The following ANO3 variants were observed in gnomAD, a reference collection of about 807,000 sequenced individuals.
ANO3 encodes the protein anoctamin 3.
In ANO3, 99 loss-of-function variants were observed where a neutral mutation model predicts 144.8. That is an observed-to-expected ratio of 0.68 (90% confidence interval 0.58 to 0.81). The LOEUF is 0.81. ANO3 is among the 30% of genes least tolerant of loss of function. The probability of loss-of-function intolerance (pLI) is 0.00; values close to 1 mark genes in which losing one functional copy is unlikely to be tolerated. For missense variants in ANO3, 905 were observed against 1,202.2 expected (o/e 0.75, Z 3.66); for synonymous variants, 414 against 392.6 (o/e 1.05, Z -0.64).
chr11:26,322,825 A>C (rs1343877570), intron 1 of ANO3, among the ~76,000 whole-genome samples: 1 of 152,050 alleles, frequency 6.6e-6, no homozygotes, highest in Non-Finnish European at 1.5e-5. Context: ...TTTAGCTCAT[A>C]CTAAGGAATA....
intron 14 of ANO3, among the ~76,000 whole-genome samples, chr11:26,586,586 T>C (rs1332509651): frequency 6.9e-6 from 1 of 144,504 alleles, no homozygotes; most frequent in Admixed American, 7.3e-5. Context: ...CACCGCAAGC[T>C]CCGCCTCCCA....
chr11:26,564,756 T>TCTG, intron 14 of ANO3, among the ~76,000 whole-genome samples: 1 of 89,398 alleles, frequency 1.1e-5, no homozygotes, highest in Non-Finnish European at 2.2e-5. Flanking sequence ...TATATATATA[T>TCTG]ATATATATAT....
At chr11:26,449,991 G>A (rs1024832156) in intron 3 of ANO3, among the ~76,000 whole-genome samples, 1 of 151,978 alleles carries the variant, frequency 6.6e-6, no homozygotes, top group African/African-American at 2.4e-5. Flanking sequence ...CCTGACCTCA[G>A]GCAATCCGCC....
chr11:26,225,408 C>G (rs1852237434), intron 1 of ANO3, among the ~76,000 whole-genome samples: 1 of 152,112 alleles, frequency 6.6e-6, no homozygotes, highest in Admixed American at 6.5e-5. Context: ...CACAAAAACA[C>G]TAACTGCAGA....
intron 1 of ANO3, among the ~76,000 whole-genome samples, chr11:26,374,726 C>A (rs1027742132): frequency 6.6e-6 from 1 of 152,054 alleles, no homozygotes; most frequent in African/African-American, 2.4e-5. Context: ...AAGTGCATTA[C>A]ATTTATTGTG....
chr11:26,403,032 C>T (rs933612631), intron 1 of ANO3, among the ~76,000 whole-genome samples: 3 of 151,846 alleles, frequency 2.0e-5, no homozygotes, highest in Non-Finnish European at 4.4e-5. Flanking sequence ...ACAACTTATT[C>T]GATGGACCAC....
At chr11:26,310,630 T>C (rs917112703) in intron 1 of ANO3, among the ~76,000 whole-genome samples, 1 of 152,244 alleles carries the variant, frequency 6.6e-6, no homozygotes, top group Admixed American at 6.5e-5. Context: ...TTTTCTAGTC[T>C]GCACCCATGT....
chr11:26,481,136 GA>G (rs569299640), intron 4 of ANO3, among the ~76,000 whole-genome samples: 99 of 150,568 alleles, frequency 6.6e-4, no homozygotes, highest in African/African-American at 2.1e-3. Flanking sequence ...TATTACAGAT[GA>G]AAAAAAAATA....
chr11:26,269,667 C>A (rs187106620), intron 1 of ANO3, among the ~76,000 whole-genome samples: 3,554 of 151,754 alleles, frequency 0.023, 64 homozygotes, highest in East Asian at 0.12. Flanking sequence ...CAGTCATCAT[C>A]CGGTGCTGCA....
At chr11:26,553,469 C>A in intron 13 of ANO3, 124 bp downstream of exon 13, 1 of 527,614 alleles carries the variant, frequency 1.9e-6, no homozygotes, top group South Asian at 3.9e-5. Flanking sequence ...TTAATAAGTG[C>A]CATTGACAAC....
chr11:26,363,233 C>T (rs1855974550), intron 1 of ANO3, among the ~76,000 whole-genome samples: 1 of 152,136 alleles, frequency 6.6e-6, no homozygotes, highest in Non-Finnish European at 1.5e-5. Context: ...AACAAAAACT[C>T]ATCATATAAT....
chr11:26,298,241 T>C (rs1248980085), intron 1 of ANO3, among the ~76,000 whole-genome samples: 1 of 152,022 alleles, frequency 6.6e-6, no homozygotes, highest in Non-Finnish European at 1.5e-5. Context: ...ACCCACCCAG[T>C]AACTGGCACA....
intron 1 of ANO3, among the ~76,000 whole-genome samples, chr11:26,236,786 C>T (rs1456532472): frequency 4.1e-5 from 6 of 145,276 alleles, no homozygotes; most frequent in Non-Finnish European, 9.0e-5. Flanking sequence ...CCACTGCACT[C>T]CAGCCTGGGC....
chr11:26,366,034 G>A (rs1179582520), intron 1 of ANO3, among the ~76,000 whole-genome samples: 1 of 140,898 alleles, frequency 7.1e-6, no homozygotes, highest in African/African-American at 2.7e-5. Flanking sequence ...TAGGGTACAT[G>A]CACATAACGT....
At chr11:26,531,170 AC>A in intron 7 of ANO3, 34 bp from the exon 8 acceptor site, 1 of 1,612,168 alleles carries the variant, frequency 6.2e-7, no homozygotes, top group South Asian at 1.1e-5. Flanking sequence ...TTGGAATACA[AC>A]CTAATCTAGT....
intron 1 of ANO3, among the ~76,000 whole-genome samples, chr11:26,273,450 G>C (rs1241464787): frequency 6.6e-6 from 1 of 151,922 alleles, no homozygotes; most frequent in South Asian, 2.1e-4. Flanking sequence ...AGAAAATATC[G>C]TGGAAGTCTG....
At chr11:26,221,380 C>A (rs1345095097) in intron 1 of ANO3, among the ~76,000 whole-genome samples, 1 of 152,152 alleles carries the variant, frequency 6.6e-6, no homozygotes, top group Non-Finnish European at 1.5e-5. Flanking sequence ...TCACTATAGC[C>A]TGTGACAGAA....
chr11:26,586,589 G>T (rs539755187), intron 14 of ANO3, among the ~76,000 whole-genome samples: 1 of 140,888 alleles, frequency 7.1e-6, no homozygotes, highest in Non-Finnish European at 1.5e-5. Flanking sequence ...CGCAAGCTCC[G>T]CCTCCCATGT....
At chr11:26,422,765 TG>T (rs1463332802) in intron 1 of ANO3, among the ~76,000 whole-genome samples, 3 of 151,810 alleles carry the variant, frequency 2.0e-5, no homozygotes, top group Non-Finnish European at 4.4e-5. Context: ...GAATATGCTG[TG>T]GGGGTAATTT....
Sources: allele counts gnomAD v4.1 joint callset (sites outside exome capture counted in the v4.1 genomes callset), GRCh38; gene constraint gnomAD v4.1.1; transcripts MANE v1.5; gene names NCBI Gene and HGNC (gene_info 2026-07-23, HGNC 2026-07-21).